PARP11: variants seen among roughly 807,000 people sequenced by gnomAD.
PARP11 encodes the protein protein mono-ADP-ribosyltransferase PARP11.
Under a neutral mutation model 42.9 loss-of-function variants are expected in PARP11, and 31 were observed. The ratio of observed to expected loss-of-function variants is 0.72; its 90% CI spans 0.54 to 0.98. The LOEUF (loss-of-function observed/expected upper bound fraction) is 0.98, where lower values mean the gene tolerates loss of function less well. Among genes scored for constraint, PARP11 ranks in the 50% least tolerant of loss-of-function variants. The pLI, the probability that PARP11 is intolerant of heterozygous loss-of-function variation, is 0.00. For synonymous variants in PARP11, 137 were observed against 127.3 expected, an observed-to-expected ratio of 1.08 and a Z score of -0.51; for missense variants, 365 against 413.1, an observed-to-expected ratio of 0.88 and a Z score of 1.01.
chr12:3,847,096 G>A (rs1948017883), intron 1 of PARP11, among the ~76,000 whole-genome samples: 1 of 151,880 alleles, frequency 6.6e-6, no homozygotes, highest in Admixed American at 6.6e-5. Context: ...AAAGAAAACA[G>A]AAGAAGAGAA....
Position 3,812,128 on chromosome 12 carries a change from G to C in PARP11, c.1012C>G (p.His338Asp). 1 of 1,586,284 alleles carries C rather than the reference G, an allele frequency of 6.3e-7. No homozygotes were observed. Among genetic ancestry groups the C allele is most frequent in the Admixed American group, 1.8e-5 (1 of 54,914 alleles). ...ACCGAGATTTGGAAGTGAAATCAAT[G>C]AAAGTCTATCAAGTACTCAGGATAG... ...QIYPEYLIDF[H>D] Residue 338 changes from histidine (H) to aspartate (D), a missense_variant, in exon 8 of 8, where the codon CAT (histidine) becomes GAT (aspartate). Coordinates refer to ENST00000228820, the MANE Select transcript of PARP11 (RefSeq NM_020367.6).
chr12:3,830,061 A>G (rs955234622), intron 1 of PARP11, 43 bp from the exon 2 acceptor site: 1 of 1,577,336 alleles, frequency 6.3e-7, no homozygotes, highest in Non-Finnish European at 8.7e-7. Context: ...AATTCTATTA[A>G]TAACAAGTAT....
At chr12:3,839,763 C>G in intron 1 of PARP11, 1 of 1,129,498 alleles carries the variant, frequency 8.9e-7, no homozygotes, top group Non-Finnish European at 1.4e-6. Context: ...TTGTGTATCC[C>G]GTAAAGTATA....
chr12:3,840,601 C>T lies in PARP11; in HGVS notation c.19-10583G>A, dbSNP rs1309715141. ...AGTTGAGGATTCTGATCACACAAGT[C>T]GAGAATCTAACTATTGCTACTTCTC... is the stretch of plus-strand genomic sequence containing the variant. On this transcript the variant is annotated intron_variant, in intron 1 of 7. Transcript: ENST00000228820. This position sits in a 1 kb window ranked among gnomAD's most constrained non-coding sequence, Gnocchi z 4.4. The T allele has an allele frequency of 3.6e-5, 49 of 1,367,802 alleles. No individual in the cohort carries two copies. The East Asian group carries it at 4.8e-4, about 13-fold the overall frequency. The allele number at this position is 1,367,802 out of a possible 1,614,324, so 84.7% of individuals were successfully genotyped here.
intron 4 of PARP11, among the ~76,000 whole-genome samples, chr12:3,825,671 A>C (rs1947503591): frequency 6.6e-6 from 1 of 152,200 alleles, no homozygotes; most frequent in Non-Finnish European, 1.5e-5. Flanking sequence ...ACTTAGAGTA[A>C]ATAATAATGT....
At chr12:3,841,757 G>A (rs2138074036) in intron 1 of PARP11, 1 of 1,612,662 alleles carries the variant, frequency 6.2e-7, no homozygotes, top group Non-Finnish European at 8.5e-7. Flanking sequence ...CCTCATGTTT[G>A]GCATGGGTAC....
intron 1 of PARP11, among the ~76,000 whole-genome samples, chr12:3,845,519 T>C (rs1377100264): frequency 2.6e-5 from 4 of 152,180 alleles, no homozygotes; most frequent in Non-Finnish European, 5.9e-5. Context: ...TCCTAGAAAC[T>C]AGCAATATTT....
rs145949649 is a variant in PARP11, at chr12:3,872,776, T to C, written c.18+436A>G. 341 of 985,264 alleles carry C rather than the reference T, an allele frequency of 3.5e-4. 1 individual carries two copies. The African/African-American group carries it at 5.4e-3, about 16-fold the overall frequency. The allele number at this position is 985,264 out of a possible 1,614,324, so 61.0% of individuals were successfully genotyped here. ...AGGTTCCAAGGCCAGTTACTCCAAT[T>C]AGAAAGCAAAACACAAAGTTTCAAA... On this transcript the variant is annotated intron_variant, in intron 1 of 7. Coordinates refer to ENST00000228820, the MANE Select transcript of PARP11 (RefSeq NM_020367.6).
At chr12:3,823,508 CTCAG>C (rs1276926503) in intron 4 of PARP11, among the ~76,000 whole-genome samples, 3 of 149,036 alleles carry the variant, frequency 2.0e-5, no homozygotes, top group African/African-American at 7.4e-5. Context: ...ATAGTACACA[CTCAG>C]TAAGTACTGG....
chr12:3,833,462 G>C (rs1455176470), intron 1 of PARP11, among the ~76,000 whole-genome samples: 1 of 152,082 alleles, frequency 6.6e-6, no homozygotes, highest in East Asian at 1.9e-4. Context: ...AAATTACTCA[G>C]GCATGCTGAT....
intron 6 of PARP11, among the ~76,000 whole-genome samples, 184 bp downstream of exon 6, chr12:3,821,689 G>A (rs1423280285): frequency 6.6e-6 from 1 of 152,198 alleles, no homozygotes; most frequent in Non-Finnish European, 1.5e-5. Context: ...AATGCTACAA[G>A]CAAAGTTTAC....
At chr12:3,816,846 G>A (rs772667082) in intron 6 of PARP11, among the ~76,000 whole-genome samples, 1 of 151,982 alleles carries the variant, frequency 6.6e-6, no homozygotes, top group African/African-American at 2.4e-5. Context: ...AGGTTGTAAT[G>A]AGCTGAGATT....
chr12:3,822,994 A>C (rs887650359), intron 4 of PARP11, among the ~76,000 whole-genome samples: 5 of 152,210 alleles, frequency 3.3e-5, no homozygotes, highest in African/African-American at 9.6e-5. Flanking sequence ...TCAGTCAGTA[A>C]ATCTTAAAAA....
intron 1 of PARP11, among the ~76,000 whole-genome samples, chr12:3,854,680 G>A (rs1948161677): frequency 6.6e-6 from 1 of 151,116 alleles, no homozygotes; most frequent in African/African-American, 2.4e-5. Flanking sequence ...GGACCAGACA[G>A]TCCTGAATTC....
Position 3,829,987 on chromosome 12 carries a change from G to A in PARP11, c.50C>T (p.Ser17Phe). 6.2e-7 allele frequency: 1 copy of A among 1,613,804 alleles called. No individual in the cohort carries two copies. Among genetic ancestry groups the A allele is most frequent in the Non-Finnish European group, 8.5e-7 (1 of 1,179,738 alleles). Reference protein sequence around the residue: ...EMFHKAEELFSKTTNNEVDDM... With the variant: ...EMFHKAEELFFKTTNNEVDDM... ...ATCCACTTCATTGTTTGTTGTTTTA[G>A]AAAATAATTCTTCTGCTTTGTGAAA... Residue 17 changes from serine to phenylalanine, a missense_variant, in exon 2 of 8, where the codon TCT becomes TTT. Ser to Phe is a radical substitution (Grantham distance 155, BLOSUM62 -2). Coordinates refer to ENST00000228820, the MANE Select transcript of PARP11 (RefSeq NM_020367.6).
intron 3 of PARP11, among the ~76,000 whole-genome samples, chr12:3,827,194 T>C (rs901540958): frequency 3.3e-5 from 5 of 152,196 alleles, no homozygotes; most frequent in African/African-American, 4.8e-5. Context: ...GGCAGAATGG[T>C]TGGAGCTGAT....
chr12:3,840,879 G>C lies in PARP11; in HGVS notation c.19-10861C>G, dbSNP rs1043086723. 6 of 1,600,558 alleles carry C rather than the reference G, an allele frequency of 3.7e-6. No homozygotes were observed. In the Admixed American group the frequency reaches 1.0e-4, roughly 27 times the overall value. ...AAAAGCCAGCAGAACATGTGTCTTT[G>C]TCAAATCCAGCTCCCCTTCTAGTTT... On this transcript the variant is annotated intron_variant, in intron 1 of 7. Coordinates refer to ENST00000228820, the MANE Select transcript of PARP11 (RefSeq NM_020367.6). The surrounding 1 kb of genome is among the most constrained non-coding windows in gnomAD (Gnocchi z 4.4).
intron 3 of PARP11, among the ~76,000 whole-genome samples, chr12:3,827,004 G>A (rs963691847): frequency 2.0e-5 from 3 of 152,204 alleles, no homozygotes; most frequent in African/African-American, 4.8e-5. Context: ...CTAGTATAAA[G>A]TGTGTTCTGT....
intron 1 of PARP11, among the ~76,000 whole-genome samples, chr12:3,833,021 G>A (rs1305096448): frequency 6.6e-6 from 1 of 152,114 alleles, no homozygotes; most frequent in Non-Finnish European, 1.5e-5. Context: ...AAAGCTGTGT[G>A]GAAAATGAGT....
Sources: gnomAD v4.1 joint callset for allele counts (sites outside exome capture counted in the v4.1 genomes callset) on GRCh38, gnomAD v4.1.1 for gene constraint, Gnocchi (gnomAD v3.1) non-coding constraint, MANE v1.5 for transcripts, NCBI Gene and HGNC (gene_info 2026-07-23, HGNC 2026-07-21) for gene names.